Variants in ZNF800 observed in about 807,000 individuals in gnomAD.
The protein encoded by ZNF800 is zinc finger protein 800.
ZNF800 carries 13 observed loss-of-function variants against 59.5 expected under a neutral mutation model. The ratio of observed to expected loss-of-function variants is 0.22; its 90% CI spans 0.14 to 0.35. ZNF800 has a LOEUF of 0.35. Ranked by LOEUF, ZNF800 falls within the 10% of genes least tolerant of loss-of-function variation. ZNF800 has a pLI of 1.00. For synonymous variants in ZNF800, 266 were observed against 265.7 expected, an observed-to-expected ratio of 1.00 and a Z score of -0.01; for missense variants, 621 against 783.7, an observed-to-expected ratio of 0.79 and a Z score of 2.48.
rs1161818947 is a variant in ZNF800, at chr7:127,392,207, C to T, written c.-206G>A. 2.5e-6 allele frequency: 1 copy of T among 394,734 alleles called. No individual in the cohort carries two copies. Among genetic ancestry groups the T allele is most frequent in the Non-Finnish European group, 4.5e-6 (1 of 223,434 alleles). The allele number at this position is 394,734 out of a possible 1,614,324, so 24.5% of individuals were successfully genotyped here. A position where few individuals can be genotyped will look rare whatever the true frequency, so the allele number is the denominator to read the frequency against. On this transcript the variant is annotated 5_prime_UTR_variant, in exon 1 of 6. Transcript: ENST00000265827. ...CGGGGGAACCCGGACTCGGGCCCGA[C>T]GCGCTCCCAAAGAGTCCCCGCCGGC...
rs1218477182 is a variant in ZNF800 at position 127,377,167 on chromosome 7, G to A, written c.301+19C>T. The A allele has an allele frequency of 1.9e-6, 3 of 1,600,986 alleles. No homozygotes were observed. Among genetic ancestry groups the A allele is most frequent in the East Asian group, 2.2e-5 (1 of 44,654 alleles). ...ACTTAGCTGTAAAATGCATAACTGA[G>A]TATATGAATAAAACTTACTGTCATC... On this transcript the variant is annotated intron_variant, in intron 4 of 5. Coordinates refer to ENST00000265827, the MANE Select transcript of ZNF800 (RefSeq NM_176814.5). The surrounding 1 kb of genome is among the most constrained non-coding windows in gnomAD (Gnocchi z 4.7).
Position 127,373,842 on chromosome 7 carries a change from T to C in ZNF800, c.1494A>G (p.Lys498=). The C allele has an allele frequency of 1.9e-6, 3 of 1,614,150 alleles. No individual in the cohort carries two copies. Among genetic ancestry groups the C allele is most frequent in the Non-Finnish European group, 2.5e-6 (3 of 1,180,014 alleles). The change falls in exon 5 of 6, where the codon AAA becomes AAG. Residue 498 remains lysine (K), a synonymous_variant. Transcript: ENST00000265827. ...ACTCGATGTGTTTAGTCAAGTTCTG[T>C]TTGGAAGTAAACTGACGTTTACAAA... ...CKLCKRQFTS[K]QNLTKHIELH... is the part of the protein sequence containing the mutation.
Position 127,373,511 on chromosome 7 carries a change from C to G in ZNF800, c.1825G>C (p.Val609Leu). The G allele has an allele frequency of 1.2e-6, 2 of 1,614,118 alleles. No individual in the cohort carries two copies. Among genetic ancestry groups the G allele is most frequent in the Non-Finnish European group, 1.7e-6 (2 of 1,179,996 alleles). ...AGAGAAAAGTTTTTTGTGACTTTTA[C>G]TTCAATACCGACGTCAGCTACTTCA... ...KYEVADVGIE[V>L]KVTKNFSLHR... Residue 609 changes from valine (V) to leucine (L), a missense_variant, in exon 5 of 6, where the codon GTA (valine) becomes CTA (leucine). Val to Leu is a conservative substitution (Grantham distance 32). Around this residue, in one of 7 missense-constraint regions of ZNF800, gnomAD observed 94 missense variants for 108.5 expected, o/e 0.87. Transcript: ENST00000265827.
At position 127,392,582 on chromosome 7, in the gene ZNF800, A is replaced by G. The variant is rs1587462206; in HGVS notation, c.-581T>C. The G allele has an allele frequency of 4.6e-6, 1 of 215,308 alleles. No individual in the cohort carries two copies. The highest frequency in any genetic ancestry group is 9.1e-6 in the Non-Finnish European group (1 of 109,650). 13.3% of individuals were successfully genotyped at this position (215,308 alleles called of 1,614,324 possible). A position where few individuals can be genotyped will look rare whatever the true frequency, so the allele number is the denominator to read the frequency against. On this transcript the variant is annotated 5_prime_UTR_variant, in exon 1 of 6. Coordinates refer to ENST00000265827, the MANE Select transcript of ZNF800 (RefSeq NM_176814.5). ...TTTCGGTGGTAGTTGTTGTTTCAGG[A>G]AACTTTATTAAGTCAGCCTCTCTTT...
In ZNF800 at chr7:127,377,402, C is replaced by T. The variant is rs1800818513; in HGVS notation, c.158-73G>A. The stretch of plus-strand genomic sequence containing the variant: ...CATGCACTTTTAAACTGGACAACCA[C>T]TGTTGACAGACCAAAAGTGCAGTTA... On this transcript the variant is annotated intron_variant, in intron 3 of 5. Coordinates refer to ENST00000265827, the MANE Select transcript of ZNF800 (RefSeq NM_176814.5). This position sits in a 1 kb window ranked among gnomAD's most constrained non-coding sequence, Gnocchi z 4.7. 3 of 1,302,420 alleles carry T rather than the reference C, an allele frequency of 2.3e-6. No individual in the cohort carries two copies. The highest frequency in any genetic ancestry group is 2.4e-5 in the Admixed American group (1 of 42,536). 80.7% of individuals were successfully genotyped at this position (1,302,420 alleles called of 1,614,324 possible).
chr7:127,365,210 T>G (rs535078248), downstream of ZNF800, among the ~76,000 whole-genome samples: 2 of 152,236 alleles, frequency 1.3e-5, no homozygotes, highest in East Asian at 3.9e-4. Flanking sequence ...CTGTCACTAT[T>G]ACTTAGTAGC....
In ZNF800 at chr7:127,392,515, G is replaced by C. The variant is rs1302199259; in HGVS notation, c.-514C>G. The C allele has an allele frequency of 1.2e-5, 4 of 335,688 alleles. No individual in the cohort carries two copies. The highest frequency in any genetic ancestry group is 2.1e-5 in the African/African-American group (1 of 47,052). 20.8% of individuals were successfully genotyped at this position (335,688 alleles called of 1,614,324 possible). On this transcript the variant is annotated 5_prime_UTR_variant, in exon 1 of 6. Transcript: ENST00000265827. ...TGCAACGGTCCCTCAGGCTTTAGGA[G>C]AGGGGCGGAGAAAAATGGGGGTCTC...
At chr7:127,387,382 T>A (rs1482472908) in intron 2 of ZNF800, among the ~76,000 whole-genome samples, 1 of 152,190 alleles carries the variant, frequency 6.6e-6, no homozygotes, top group African/African-American at 2.4e-5. Flanking sequence ...TACTCTTGCT[T>A]CAGGGTTTAG....
intron 4 of ZNF800, among the ~76,000 whole-genome samples, chr7:127,375,341 G>T (rs2117119580): frequency 6.6e-6 from 1 of 152,114 alleles, no homozygotes; most frequent in East Asian, 1.9e-4. Flanking sequence ...TAATAAAAAT[G>T]ATATTTCATA....
chr7:127,357,303 A>C (rs145287394), intron 1 of ZNF800, among the ~76,000 whole-genome samples: 47 of 152,248 alleles, frequency 3.1e-4, no homozygotes, highest in African/African-American at 1.1e-3. Context: ...CAGGATCTAC[A>C]TTTCATTAAA....
In ZNF800 at chr7:127,374,792, G is replaced by A; in HGVS notation, c.544C>T (p.Pro182Ser). ...GTTTCCACCTCTGTATCTGTAACCG[G>A]TACTGTTTTTGACTGTTCAGTGCTA... ...ETSTEQSKTV[P>S]VTDTEVETVE... Residue 182 changes from proline (P) to serine (S), a missense_variant, in exon 5 of 6, where the codon CCG becomes TCG. Physicochemically the swap from Pro to Ser is moderately conservative, Grantham distance 74. Transcript: ENST00000265827. The A allele has an allele frequency of 1.2e-6, 2 of 1,613,332 alleles. No individual in the cohort carries two copies. The highest frequency in any genetic ancestry group is 1.7e-6 in the Non-Finnish European group (2 of 1,179,666).
At chr7:127,384,678 TGAGA>T (rs1424410349) in intron 3 of ZNF800, among the ~76,000 whole-genome samples, 2 of 152,094 alleles carry the variant, frequency 1.3e-5, no homozygotes, top group Non-Finnish European at 2.9e-5. Context: ...TTCCATGGTA[TGAGA>T]AAGAACCAAA....
intron 2 of ZNF800, among the ~76,000 whole-genome samples, chr7:127,390,024 T>C (rs1208657988): frequency 6.6e-6 from 1 of 152,200 alleles, no homozygotes; most frequent in Non-Finnish European, 1.5e-5. Flanking sequence ...TTATCTGTCT[T>C]GTTCACCACT....
chr7:127,363,216 T>A (rs149633324), intron 1 of ZNF800: 10 of 152,136 alleles, frequency 6.6e-5, no homozygotes, highest in African/African-American at 2.4e-4. Flanking sequence ...ATGTCTGACA[T>A]TCAACTTTGA....
chr7:127,353,828 ACT>A, intron 1 of ZNF800, among the ~76,000 whole-genome samples: 1 of 117,374 alleles, frequency 8.5e-6, no homozygotes, highest in South Asian at 3.5e-4. Context: ...CAATAATTGC[ACT>A]GATAGATAAG....
chr7:127,373,355 T>C lies in ZNF800; in HGVS notation c.1981A>G (p.Lys661Glu), dbSNP rs1438962069. ...NKTKGRSTRS[K>E]ALV Reference sequence around the variant, plus strand: ...ACTGTTCCTCACCAGACAAGAGCCTTAGATCTTGTACTTCGGCCTTTGGTT... The same window carrying C: ...ACTGTTCCTCACCAGACAAGAGCCTCAGATCTTGTACTTCGGCCTTTGGTT... The change falls in exon 5 of 6, where the codon AAG (lysine) becomes GAG (glutamate). Residue 661 changes from lysine to glutamate, a missense_variant. Transcript: ENST00000265827. 2 of 1,601,858 alleles carry C rather than the reference T, an allele frequency of 1.2e-6. No homozygotes were observed. Among genetic ancestry groups the C allele is most frequent in the Admixed American group, 1.7e-5 (1 of 57,980 alleles).
intron 1 of ZNF800, among the ~76,000 whole-genome samples, chr7:127,352,676 A>T (rs908044115): frequency 2.6e-4 from 40 of 152,220 alleles, no homozygotes; most frequent in African/African-American, 9.4e-4. Context: ...GACACTTCCC[A>T]TCTCAAATTA....
downstream of ZNF800, among the ~76,000 whole-genome samples, chr7:127,345,316 A>T (rs1800039264): frequency 6.7e-6 from 1 of 149,622 alleles, no homozygotes; most frequent in Non-Finnish European, 1.5e-5. Context: ...AAAGGTAAAT[A>T]AAAAAATAAA....
chr7:127,345,670 CTG>C (rs1312748060), downstream of ZNF800, among the ~76,000 whole-genome samples: 1 of 152,148 alleles, frequency 6.6e-6, no homozygotes, highest in Non-Finnish European at 1.5e-5. Flanking sequence ...AAGGGTCAGA[CTG>C]TGCAAGGCTA....
Sources: gnomAD v4.1 joint callset for allele counts (sites outside exome capture counted in the v4.1 genomes callset) on GRCh38, gnomAD v4.1.1 for gene constraint, gnomAD v4.1.1 regional missense constraint, Gnocchi (gnomAD v3.1) non-coding constraint, MANE v1.5 for transcripts, NCBI Gene and HGNC (gene_info 2026-07-23, HGNC 2026-07-21) for gene names.